Variants in KCNAB1 observed in about 807,000 individuals in gnomAD.
KCNAB1 encodes the protein voltage-gated potassium channel subunit beta-1.
Under a neutral mutation model 64.6 loss-of-function variants are expected in KCNAB1, and 35 were observed. That is an observed-to-expected ratio of 0.54 (90% CI 0.41 to 0.72). The LOEUF (loss-of-function observed/expected upper bound fraction) is 0.72, where lower values mean the gene tolerates loss of function less well. Ranked by LOEUF, KCNAB1 falls within the 30% of genes least tolerant of loss-of-function variation. KCNAB1 has a pLI of 0.00. For synonymous variants in KCNAB1, 177 were observed against 183.8 expected, an observed-to-expected ratio of 0.96 and a Z score of 0.30; for missense variants, 401 against 512.9, an observed-to-expected ratio of 0.78 and a Z score of 2.11.
At chr3:156,218,863 A>G (rs1218775114) in intron 1 of KCNAB1, among the ~76,000 whole-genome samples, 1 of 150,876 alleles carries the variant, frequency 6.6e-6, no homozygotes. Context: ...TAAAATAAAA[A>G]TCACTGCAGT....
intron 1 of KCNAB1, among the ~76,000 whole-genome samples, chr3:156,383,327 A>C (rs765314500): frequency 5.3e-5 from 8 of 152,198 alleles, no homozygotes; most frequent in Non-Finnish European, 1.0e-4. Context: ...TTTGTATATA[A>C]ATGAATGGGT....
At chr3:156,170,221 GT>G (rs527980009) in intron 1 of KCNAB1, among the ~76,000 whole-genome samples, 469 of 130,584 alleles carry the variant, frequency 3.6e-3, no homozygotes, top group South Asian at 0.014. Flanking sequence ...CCAAGGAATC[GT>G]TTTTTTTTTT....
At chr3:156,393,299 G>A (rs1483616980) in intron 1 of KCNAB1, among the ~76,000 whole-genome samples, 6 of 152,136 alleles carry the variant, frequency 3.9e-5, no homozygotes, top group Non-Finnish European at 1.5e-5. Context: ...GATCTCCTTG[G>A]AGTTTTTACC....
At chr3:156,147,960 C>CACACACACACACACACACACACAT (rs200388168) in intron 1 of KCNAB1, among the ~76,000 whole-genome samples, 1 of 113,496 alleles carries the variant, frequency 8.8e-6, no homozygotes, top group African/African-American at 4.3e-5. Flanking sequence ...CACACACACA[C>CACACACACACACACACACACACAT]GCACGCACAC....
At chr3:156,121,618 A>G (rs1435623530) in intron 1 of KCNAB1, among the ~76,000 whole-genome samples, 1 of 152,236 alleles carries the variant, frequency 6.6e-6, no homozygotes, top group African/African-American at 2.4e-5. Context: ...CTTATTTTCT[A>G]TAATTTGTGC....
At chr3:156,265,543 C>G (rs1228437976) in intron 1 of KCNAB1, among the ~76,000 whole-genome samples, 1 of 152,238 alleles carries the variant, frequency 6.6e-6, no homozygotes, top group Non-Finnish European at 1.5e-5. Flanking sequence ...TGAGCCAACA[C>G]TGCTGTCCCT....
intron 2 of KCNAB1, among the ~76,000 whole-genome samples, chr3:156,431,333 C>G (rs1166082905): frequency 6.6e-6 from 1 of 152,166 alleles, no homozygotes; most frequent in Non-Finnish European, 1.5e-5. Context: ...GCATAAAAAC[C>G]CAAATGAAAT....
At chr3:156,170,182 GT>G (rs1414154288) in intron 1 of KCNAB1, among the ~76,000 whole-genome samples, 1 of 150,732 alleles carries the variant, frequency 6.6e-6, no homozygotes, top group Admixed American at 6.6e-5. Context: ...TATGGGGCCT[GT>G]GGGGCCAATC....
chr3:156,139,928 A>G (rs1279858205), intron 1 of KCNAB1, among the ~76,000 whole-genome samples: 1 of 152,152 alleles, frequency 6.6e-6, no homozygotes, highest in East Asian at 1.9e-4. Flanking sequence ...ACAGCATATT[A>G]TGTCTTTGTT....
chr3:156,497,662 A>G (rs968928001), intron 8 of KCNAB1, among the ~76,000 whole-genome samples: 2 of 152,250 alleles, frequency 1.3e-5, no homozygotes, highest in South Asian at 4.1e-4. Flanking sequence ...CTGCAATGCA[A>G]TGACAGATGC....
rs775057062 is a variant in KCNAB1 at position 156,457,458 on chromosome 3, T to C, written c.363T>C (p.Ala121=). 3.1e-6 allele frequency: 5 copies of C among 1,613,882 alleles called. No individual in the cohort carries two copies. Among genetic ancestry groups the C allele is most frequent in the South Asian group, 1.1e-5 (1 of 91,072 alleles). ...TFGGQISDEV[A]ERLMTIAYES... The stretch of plus-strand genomic sequence containing the variant: ...ACCTTTCTCTCCCCTTGCAGGTTGC[T>C]GAACGGCTGATGACCATCGCCTATG... Residue 121 remains alanine (A), a synonymous_variant, in exon 4 of 14, where the codon GCT becomes GCC. Coordinates refer to ENST00000490337, the MANE Select transcript of KCNAB1 (RefSeq NM_172160.3).
intron 1 of KCNAB1, among the ~76,000 whole-genome samples, chr3:156,393,702 C>G (rs1713216386): frequency 6.6e-6 from 1 of 152,142 alleles, no homozygotes; most frequent in South Asian, 2.1e-4. Context: ...CAGTATATGA[C>G]AGATTAAGTG....
intron 1 of KCNAB1, among the ~76,000 whole-genome samples, chr3:156,267,207 C>G (rs1718772019): frequency 6.6e-6 from 1 of 152,086 alleles, no homozygotes; most frequent in South Asian, 2.1e-4. Flanking sequence ...TTGCGGGCTG[C>G]TTTTTCAGCT....
At chr3:156,513,125 T>G (rs1355518993) in intron 8 of KCNAB1, among the ~76,000 whole-genome samples, 5 of 151,954 alleles carry the variant, frequency 3.3e-5, no homozygotes, top group Admixed American at 6.6e-5. Flanking sequence ...GGCAGGAGAA[T>G]GGCATGAACC....
chr3:156,372,104 A>G (rs1384019727), intron 1 of KCNAB1, among the ~76,000 whole-genome samples: 1 of 152,202 alleles, frequency 6.6e-6, no homozygotes. Context: ...CAAACCAGAG[A>G]CTTAAAATTA....
intron 8 of KCNAB1, among the ~76,000 whole-genome samples, chr3:156,501,479 G>C (rs1388239176): frequency 7.3e-6 from 1 of 136,446 alleles, no homozygotes; most frequent in Admixed American, 8.0e-5. Context: ...GCCCAGGCTG[G>C]AAATCGCAAT....
intron 5 of KCNAB1, chr3:156,460,111 A>G (rs1712789143): frequency 4.6e-6 from 2 of 431,782 alleles, no homozygotes; most frequent in Non-Finnish European, 8.2e-6. Context: ...GAAGGGGGGG[A>G]TGTTCATGAA....
intron 7 of KCNAB1, among the ~76,000 whole-genome samples, chr3:156,472,025 A>G (rs974987483): frequency 1.3e-5 from 2 of 152,152 alleles, no homozygotes; most frequent in African/African-American, 4.8e-5. Context: ...GCCTCCTCTG[A>G]ATGCCAGACT....
chr3:156,144,735 G>C (rs4359773), intron 1 of KCNAB1, among the ~76,000 whole-genome samples: 44 of 152,058 alleles, frequency 2.9e-4, no homozygotes, highest in Non-Finnish European at 5.9e-5. Context: ...GGGGAAGATG[G>C]ACCATTTCAC....
Sources: gnomAD v4.1 joint callset for allele counts (sites outside exome capture counted in the v4.1 genomes callset) on GRCh38, gnomAD v4.1.1 for gene constraint, MANE v1.5 for transcripts, NCBI Gene and HGNC (gene_info 2026-07-23, HGNC 2026-07-21) for gene names.